Variants in COIL observed in about 807,000 individuals in gnomAD.
The protein encoded by COIL is coilin p80.
COIL carries 28 observed loss-of-function variants against 51.6 expected under a neutral mutation model. The ratio of observed to expected loss-of-function variants is 0.54; its 90% confidence interval spans 0.40 to 0.74. The LOEUF (loss-of-function observed/expected upper bound fraction) is 0.74. Among genes scored for constraint, COIL ranks in the 30% least tolerant of loss-of-function variants. The pLI, the probability that COIL is intolerant of heterozygous loss-of-function variation, is 0.00. For synonymous variants in COIL, 233 were observed against 255.8 expected (o/e 0.91, Z 0.85); for missense variants, 667 against 685.9 (o/e 0.97, Z 0.31).
chr17:56,952,047 G>C, intron 1 of COIL: 1 of 253,842 alleles, frequency 3.9e-6, no homozygotes, highest in South Asian at 4.0e-5. Context: ...GTGCTCAAGT[G>C]ATCTGCCTAC....
At chr17:56,955,349 C>A (rs1393683501) in intron 1 of COIL, among the ~76,000 whole-genome samples, 1 of 152,188 alleles carries the variant, frequency 6.6e-6, no homozygotes, top group Non-Finnish European at 1.5e-5. Context: ...CAGGCGTGAG[C>A]CACCATGCCC....
chr17:56,954,533 C>A (rs759767132), intron 1 of COIL, among the ~76,000 whole-genome samples: 1 of 151,766 alleles, frequency 6.6e-6, no homozygotes, highest in Non-Finnish European at 1.5e-5. Context: ...CGCACTCCAG[C>A]CTGGCGACAG....
At chr17:56,940,115 T>G (rs1910117453) in intron 6 of COIL, 1 of 152,016 alleles carries the variant, frequency 6.6e-6, no homozygotes, top group South Asian at 2.1e-4. Flanking sequence ...AGGCTTTTTG[T>G]TTTTGAGATA....
In COIL at chr17:56,953,853, C is replaced by T. The variant is rs575260017; in HGVS notation, c.246-2857G>A. Among the ~76,000 whole-genome samples, 4 of 152,186 alleles carry T rather than the reference C, an allele frequency of 2.6e-5. No individual in the cohort carries two copies. The South Asian group carries it at 6.2e-4, about 24-fold the overall frequency. ...GTAGGAGAAAGAGACAAATAAAATGCTGAGTGACCAGGGATTTTAAATTAT... is the reference window on the plus strand; with the variant it reads ...GTAGGAGAAAGAGACAAATAAAATGTTGAGTGACCAGGGATTTTAAATTAT... On this transcript the variant is annotated intron_variant, in intron 1 of 6. Coordinates refer to ENST00000240316, the MANE Select transcript of COIL (RefSeq NM_004645.3).
At chr17:56,939,867 C>T (rs1469877663) in intron 6 of COIL, 1 of 151,964 alleles carries the variant, frequency 6.6e-6, no homozygotes, top group African/African-American at 2.4e-5. Context: ...GGGAGTAGCT[C>T]CCCCAACCCC....
chr17:56,960,632 AG>A (rs1461663095), intron 1 of COIL, 142 bp downstream of exon 1: 1 of 575,886 alleles, frequency 1.7e-6, no homozygotes, highest in Non-Finnish European at 2.7e-6. Context: ...GCATTTTTAC[AG>A]CCCCACCCCC....
intron 5 of COIL, 137 bp downstream of exon 5, chr17:56,946,305 G>A: frequency 1.7e-6 from 1 of 593,218 alleles, no homozygotes; most frequent in Non-Finnish European, 3.0e-6. Context: ...AGCCCCCAGG[G>A]CTAAAGTGTG....
rs756592278 is a variant in COIL, at chr17:56,949,717, T to C, written c.1404A>G (p.Ala468=). 6.2e-7 allele frequency: 1 copy of C among 1,614,230 alleles called. No homozygotes were observed. Among genetic ancestry groups the C allele is most frequent in the Non-Finnish European group, 8.5e-7 (1 of 1,180,030 alleles). The change falls in exon 3 of 7, where the codon GCA becomes GCG. Residue 468 remains alanine, a synonymous_variant. Coordinates refer to ENST00000240316, the MANE Select transcript of COIL (RefSeq NM_004645.3). The part of the protein sequence containing the change: ...KKDYSLLPLL[A]AAPQVGEKIA... ...TCTTTTCTCCAACTTGAGGGGCAGCTGCTAACAGTGGTAACAGACTATAGT... is the reference window on the plus strand; with the variant it reads ...TCTTTTCTCCAACTTGAGGGGCAGCCGCTAACAGTGGTAACAGACTATAGT...
rs1157113312 is a variant in COIL, at chr17:56,950,216, C to CT, written c.1025dup (p.Thr343AspfsTer48). ...CTCTTCCTGCAAAAAGGCCTACTGT[C>CT]TTTAAGAAACCCGCAGCACACTCCG... is the stretch of plus-strand genomic sequence containing the variant. On this transcript the variant is annotated frameshift_variant, in exon 2 of 7. Transcript: ENST00000240316. LOFTEE classifies it high-confidence loss of function. The CT allele has an allele frequency of 2.5e-6, 4 of 1,614,082 alleles. No individual in the cohort carries two copies. Among genetic ancestry groups the CT allele is most frequent in the Non-Finnish European group, 3.4e-6 (4 of 1,180,042 alleles).
Position 56,960,927 on chromosome 17 carries a change from G to T in COIL, c.93C>A (p.Asp31Glu). ...CTGTGACGACTCGGCATCTGTTCAA[G>T]TCGACCAGAAGCCAGAAGGCCGTAC... ...PHCTAFWLLV[D>E]LNRCRVVTDL... is the part of the protein sequence containing the mutation. Residue 31 changes from aspartate (D) to glutamate (E), a missense_variant, in exon 1 of 7, where the codon GAC (aspartate) becomes GAA (glutamate). By Grantham distance (45) the Asp-to-Glu change is conservative (BLOSUM62 2). Coordinates refer to ENST00000240316, the MANE Select transcript of COIL (RefSeq NM_004645.3). 1 of 1,614,252 alleles carries T rather than the reference G, an allele frequency of 6.2e-7. No homozygotes were observed. Among genetic ancestry groups the T allele is most frequent in the Non-Finnish European group, 8.5e-7 (1 of 1,180,034 alleles).
chr17:56,952,137 G>A, intron 1 of COIL: 1 of 453,658 alleles, frequency 2.2e-6, no homozygotes, highest in Non-Finnish European at 4.3e-6. Flanking sequence ...CTATAATGAT[G>A]AAGCATGGTT....
At chr17:56,939,228 T>C (rs934651445) in intron 6 of COIL, 74 bp from the exon 7 acceptor site, 6 of 829,088 alleles carry the variant, frequency 7.2e-6, no homozygotes, top group Non-Finnish European at 1.2e-5. Flanking sequence ...GCCACGTAAA[T>C]TTTCCGTCTG....
At chr17:56,949,628 T>C (rs1332108737) in intron 3 of COIL, 53 bp downstream of exon 3, 2 of 1,517,758 alleles carry the variant, frequency 1.3e-6, no homozygotes, top group Non-Finnish European at 1.8e-6. Flanking sequence ...TAAGTAAGTT[T>C]ATTTGGAAGG....
chr17:56,953,723 G>T (rs1247128039), intron 1 of COIL, among the ~76,000 whole-genome samples: 7 of 152,070 alleles, frequency 4.6e-5, no homozygotes, highest in Non-Finnish European at 7.3e-5. Flanking sequence ...TAATCCTGTG[G>T]ATTTACCTCA....
At chr17:56,954,065 T>C (rs1910435084) in intron 1 of COIL, among the ~76,000 whole-genome samples, 1 of 152,158 alleles carries the variant, frequency 6.6e-6, no homozygotes, top group Non-Finnish European at 1.5e-5. Context: ...AAGCTTCAAT[T>C]CTGAGATGAC....
rs546641880 is a variant in COIL, at chr17:56,938,891, T to C, written c.*180A>G. Reference sequence around the variant, plus strand: ...AAACCTGACAAAAAAACCAAAGATCTACAAAACCGACACCCATGTCATTTT... The same window carrying C: ...AAACCTGACAAAAAAACCAAAGATCCACAAAACCGACACCCATGTCATTTT... On this transcript the variant is annotated 3_prime_UTR_variant, in exon 7 of 7. Coordinates refer to ENST00000240316, the MANE Select transcript of COIL (RefSeq NM_004645.3). 5.3e-5 allele frequency: 24 copies of C among 456,754 alleles called. No individual in the cohort carries two copies. The highest frequency in any genetic ancestry group is 4.7e-4 in the African/African-American group (23 of 49,358). 28.3% of individuals were successfully genotyped at this position (456,754 alleles called of 1,614,324 possible).
At chr17:56,939,222 C>G (rs1304984377) in intron 6 of COIL, 68 bp from the exon 7 acceptor site, 1 of 856,636 alleles carries the variant, frequency 1.2e-6, no homozygotes, top group Admixed American at 2.0e-5. Flanking sequence ...AATTCAGCCA[C>G]GTAAATTTTC....
Position 56,950,949 on chromosome 17 carries a change from C to G in COIL, c.293G>C (p.Ser98Thr). 6.2e-7 allele frequency: 1 copy of G among 1,611,110 alleles called. No individual in the cohort carries two copies. Among genetic ancestry groups the G allele is most frequent in the Non-Finnish European group, 8.5e-7 (1 of 1,179,450 alleles). ...RGVAENSVVI[S>T]NGDINLSLRK... ...AAGAGATAAATTAATGTCACCATTA[C>G]TGATGACTACAGAATTCTCAGCAAC... The change falls in exon 2 of 7, where the codon AGT becomes ACT. Residue 98 changes from serine to threonine, a missense_variant. Ser to Thr is a moderately conservative substitution (Grantham distance 58, BLOSUM62 1). Transcript: ENST00000240316.
intron 1 of COIL, among the ~76,000 whole-genome samples, chr17:56,956,403 TA>T (rs1910483464): frequency 6.6e-6 from 1 of 151,048 alleles, no homozygotes; most frequent in South Asian, 2.1e-4. Context: ...TGAGCCTAGC[TA>T]ATTTTTTTTG....
Sources: gnomAD v4.1 joint callset for allele counts (sites outside exome capture counted in the v4.1 genomes callset) on GRCh38, gnomAD v4.1.1 for gene constraint, MANE v1.5 for transcripts, NCBI Gene and HGNC (gene_info 2026-07-23, HGNC 2026-07-21) for gene names.